Variants in EVI5 observed in about 807,000 individuals in gnomAD.
EVI5 encodes the protein ecotropic viral integration site 5.
Under a neutral mutation model 112.0 loss-of-function variants are expected in EVI5, and 73 were observed. The observed-to-expected ratio is 0.65, with a 90% confidence interval of 0.54 to 0.79. The LOEUF (loss-of-function observed/expected upper bound fraction) is 0.79. EVI5 is among the 30% of genes least tolerant of loss of function. The pLI is 0.00. For synonymous variants in EVI5, 305 were observed against 319.9 expected (o/e 0.95, Z 0.50); for missense variants, 900 against 968.8 (o/e 0.93, Z 0.94).
intron 18 of EVI5, 85 bp downstream of exon 18, chr1:92,605,222 G>A (rs541701583): frequency 5.5e-5 from 49 of 895,266 alleles, no homozygotes; most frequent in South Asian, 4.5e-4. Flanking sequence ...TCACAGTCAC[G>A]AGGATAAAGA....
chr1:92,629,135 A>C (rs1433165981), intron 14 of EVI5, among the ~76,000 whole-genome samples: 1 of 152,244 alleles, frequency 6.6e-6, no homozygotes, highest in African/African-American at 2.4e-5. Context: ...TAAGTTAAAG[A>C]CCAAATATTC....
At position 92,784,887 on chromosome 1, in the gene EVI5, G is replaced by C; in HGVS notation, c.-133C>G. 1.0e-6 allele frequency: 1 copy of C among 985,904 alleles called. No homozygotes were observed. 61.1% of individuals were successfully genotyped at this position (985,904 alleles called of 1,614,324 possible). A position where few individuals can be genotyped will look rare whatever the true frequency, so the allele number is the denominator to read the frequency against. On this transcript the variant is annotated 5_prime_UTR_variant, in exon 1 of 20. Transcript: ENST00000684568. ...GTAAACATTAACTTCCCATCCAGCC[G>C]GCAGCCGCGCCGCCGCGTCTCAGCG...
intron 19 of EVI5, among the ~76,000 whole-genome samples, chr1:92,560,773 C>T (rs142006546): frequency 3.9e-5 from 6 of 151,908 alleles, no homozygotes; most frequent in East Asian, 1.9e-4. Context: ...CTATATTGCT[C>T]GGGCTGGTCT....
chr1:92,746,894 CA>C (rs34342037), intron 1 of EVI5, among the ~76,000 whole-genome samples: 110,828 of 128,270 alleles, frequency 0.86, 47,284 homozygotes, highest in East Asian at 0.95. Context: ...GACTCTGGTT[CA>C]AAAAAAAAAA....
At chr1:92,725,582 G>A (rs1675439291) in intron 2 of EVI5, among the ~76,000 whole-genome samples, 1 of 152,040 alleles carries the variant, frequency 6.6e-6, no homozygotes. Context: ...AATTAGCAGG[G>A]CATGATGGCA....
At chr1:92,742,549 T>C (rs1678578564) in intron 1 of EVI5, among the ~76,000 whole-genome samples, 1 of 151,820 alleles carries the variant, frequency 6.6e-6, no homozygotes, top group Admixed American at 6.6e-5. Flanking sequence ...GGCGGGTCCC[T>C]GTAATCTCAG....
Position 92,512,915 on chromosome 1 carries a change from G to A in EVI5, c.*741C>T, listed in dbSNP as rs1159600368. 6.6e-6 allele frequency: 1 copy of A among 152,012 alleles called. No homozygotes were observed. Among genetic ancestry groups the A allele is most frequent in the East Asian group, 1.9e-4 (1 of 5,200 alleles). 9.4% of individuals were successfully genotyped at this position (152,012 alleles called of 1,614,324 possible). ...TAATCCCAGCACTTTGGGAGGCTGA[G>A]GCGGGTGGATCACTTGAGGTTAGGA... On this transcript the variant is annotated 3_prime_UTR_variant, in exon 20 of 20. Coordinates refer to ENST00000684568, the MANE Select transcript of EVI5 (RefSeq NM_001350197.2).
intron 13 of EVI5, among the ~76,000 whole-genome samples, chr1:92,644,396 G>A (rs576152596): frequency 2.6e-5 from 4 of 152,286 alleles, no homozygotes; most frequent in African/African-American, 4.8e-5. Context: ...CCTGACATTG[G>A]TTGTTTCTTC....
Position 92,539,560 on chromosome 1 carries a change from A to AAC in EVI5, c.2166+24081_2166+24082insGT, listed in dbSNP as rs1553174063. Among the ~76,000 whole-genome samples, 43 of 137,714 alleles carry AAC rather than the reference A, an allele frequency of 3.1e-4. 1 individual carries two copies. In the East Asian group the frequency reaches 5.2e-3, roughly 17 times the overall value. The allele number at this position is 137,714 out of a possible 152,430, so 90.3% of individuals were successfully genotyped here. ...TCCATCTCAAAAAAAAAAAAAAAAA[A>AAC]AAAAAATCTTGAACCCATTCTCCCA... On this transcript the variant is annotated intron_variant, in intron 19 of 19. Coordinates refer to ENST00000684568, the MANE Select transcript of EVI5 (RefSeq NM_001350197.2).
chr1:92,688,538 G>A (rs35612297), intron 9 of EVI5, among the ~76,000 whole-genome samples: 29,956 of 152,032 alleles, frequency 0.2, 3,519 homozygotes, highest in Non-Finnish European at 0.26. Context: ...GTAAGATCTA[G>A]GTTGGGTGAC....
chr1:92,739,080 T>C (rs1005490514), intron 1 of EVI5, among the ~76,000 whole-genome samples: 2 of 151,820 alleles, frequency 1.3e-5, no homozygotes, highest in African/African-American at 4.8e-5. Flanking sequence ...CGAGACCAGC[T>C]TGGCCAACAT....
intron 18 of EVI5, among the ~76,000 whole-genome samples, chr1:92,578,900 A>C (rs956076283): frequency 6.6e-6 from 1 of 152,000 alleles, no homozygotes; most frequent in African/African-American, 2.4e-5. Flanking sequence ...TTAAATAGAG[A>C]CCAAGTCTTG....
rs577969661 is a variant in EVI5, at chr1:92,567,065, C to T, written c.2071-3328G>A. Among the ~76,000 whole-genome samples, 5 of 152,184 alleles carry T rather than the reference C, an allele frequency of 3.3e-5. No homozygotes were observed. In the East Asian group the frequency reaches 5.8e-4, roughly 18 times the overall value. On this transcript the variant is annotated intron_variant, in intron 18 of 19. Coordinates refer to ENST00000684568, the MANE Select transcript of EVI5 (RefSeq NM_001350197.2). ...CAAGTGTTCCGCCCACCCGCCTTGG[C>T]CTCCCAAAGTGCTGGGATTTACAGG...
chr1:92,625,231 A>C (rs78378977), intron 15 of EVI5, among the ~76,000 whole-genome samples: 6 of 152,262 alleles, frequency 3.9e-5, no homozygotes, highest in Non-Finnish European at 8.8e-5. Context: ...AGTTTATTGC[A>C]ATCTGATACT....
intron 13 of EVI5, among the ~76,000 whole-genome samples, chr1:92,644,969 G>C (rs1457670699): frequency 6.6e-6 from 1 of 152,140 alleles, no homozygotes; most frequent in Non-Finnish European, 1.5e-5. Flanking sequence ...ATGTTTGAAA[G>C]GATATGTATT....
chr1:92,685,996 C>T (rs1430417617), intron 9 of EVI5, among the ~76,000 whole-genome samples: 2 of 152,022 alleles, frequency 1.3e-5, no homozygotes, highest in African/African-American at 4.8e-5. Flanking sequence ...CCATTCCTTC[C>T]GAAACCATTT....
At chr1:92,724,071 C>T (rs1275277025) in intron 2 of EVI5, among the ~76,000 whole-genome samples, 1 of 152,074 alleles carries the variant, frequency 6.6e-6, no homozygotes, top group African/African-American at 2.4e-5. Context: ...GGGACATAGA[C>T]CCTCATCAGT....
At chr1:92,677,082 G>A (rs1666869651) in intron 10 of EVI5, 76 bp downstream of exon 10, 5 of 880,580 alleles carry the variant, frequency 5.7e-6, no homozygotes, top group South Asian at 1.5e-5. Context: ...AATATAAGAA[G>A]TACAAACTTT....
chr1:92,594,540 G>T (rs1647218131), intron 18 of EVI5, among the ~76,000 whole-genome samples: 1 of 150,384 alleles, frequency 6.6e-6, no homozygotes, highest in Non-Finnish European at 1.5e-5. Flanking sequence ...CAAAAGCAAT[G>T]GCAACAAAAG....
Sources: gnomAD v4.1 joint callset for allele counts (sites outside exome capture counted in the v4.1 genomes callset) on GRCh38, gnomAD v4.1.1 for gene constraint, MANE v1.5 for transcripts, NCBI Gene and HGNC (gene_info 2026-07-23, HGNC 2026-07-21) for gene names.